Variants in TANC2 observed in about 807,000 individuals in gnomAD.
TANC2 encodes the protein tetratricopeptide repeat, ankyrin repeat and coiled-coil containing 2, also known as protein TANC2.
A neutral mutation model predicts 210.5 loss-of-function variants in TANC2; 26 were observed. The observed-to-expected ratio is 0.12, with a 90% CI of 0.09 to 0.17. The LOEUF is 0.17. Among genes scored for constraint, TANC2 ranks in the 10% least tolerant of loss-of-function variants. The probability of loss-of-function intolerance (pLI) is 1.00; values close to 1 mark genes in which losing one functional copy is unlikely to be tolerated. For missense variants in TANC2, 2,129 were observed against 2,608.9 expected, an observed-to-expected ratio of 0.82 and a Z score of 4.01; for synonymous variants, 931 against 967.1, an observed-to-expected ratio of 0.96 and a Z score of 0.69.
chr17:63,109,006 T>A (rs1477929844), intron 4 of TANC2, among the ~76,000 whole-genome samples: 1 of 151,410 alleles, frequency 6.6e-6, no homozygotes, highest in African/African-American at 2.4e-5. Context: ...AAAATAACTT[T>A]TGGGTTAAAA....
chr17:63,361,002 T>C (rs1234282647), intron 14 of TANC2, among the ~76,000 whole-genome samples: 1 of 152,250 alleles, frequency 6.6e-6, no homozygotes, highest in Non-Finnish European at 1.5e-5. Flanking sequence ...TGAATAATAC[T>C]CCGTTGTGTA....
chr17:63,211,812 A>G (rs980791786), intron 7 of TANC2, among the ~76,000 whole-genome samples: 1 of 152,228 alleles, frequency 6.6e-6, no homozygotes. Flanking sequence ...AAATGTATAA[A>G]AAGAAGGAAA....
At chr17:63,230,247 A>AT (rs899054390) in intron 7 of TANC2, among the ~76,000 whole-genome samples, 13 of 151,470 alleles carry the variant, frequency 8.6e-5, no homozygotes, top group Admixed American at 2.0e-4. Flanking sequence ...GGATTTGTTG[A>AT]TTTTTTTTGA....
intron 14 of TANC2, 28 bp downstream of exon 14, chr17:63,355,418 T>A (rs749465741): frequency 1.3e-6 from 2 of 1,504,932 alleles, no homozygotes; most frequent in Non-Finnish European, 1.8e-6. Context: ...GATAAACAAT[T>A]CTGAGTCTGT....
intron 5 of TANC2, chr17:63,153,108 A>G (rs2039712874): frequency 6.6e-6 from 1 of 152,196 alleles, no homozygotes; most frequent in African/African-American, 2.4e-5. Context: ...TTCTACCAAG[A>G]TAAGAATGGT....
intron 13 of TANC2, among the ~76,000 whole-genome samples, chr17:63,354,231 G>A (rs906537689): frequency 6.6e-5 from 10 of 152,154 alleles, no homozygotes; most frequent in African/African-American, 2.4e-4. Flanking sequence ...CTGTTACCAA[G>A]GTGCCAAGCT....
chr17:63,379,249 G>A (rs1598981975), intron 14 of TANC2, among the ~76,000 whole-genome samples: 1 of 152,152 alleles, frequency 6.6e-6, no homozygotes, highest in East Asian at 1.9e-4. Context: ...GAACTGCCTA[G>A]GAACCTTTCA....
At chr17:63,098,627 T>C (rs970579416) in intron 3 of TANC2, among the ~76,000 whole-genome samples, 2 of 151,328 alleles carry the variant, frequency 1.3e-5, no homozygotes, top group African/African-American at 4.8e-5. Context: ...ATTCTGCCAT[T>C]ACCAGAAGTG....
chr17:63,394,720 C>T (rs1184804143), intron 17 of TANC2, among the ~76,000 whole-genome samples: 1 of 152,222 alleles, frequency 6.6e-6, no homozygotes, highest in East Asian at 1.9e-4. Context: ...GTTCCTGATT[C>T]TAGCCAGGAA....
chr17:62,985,600 TG>T (rs2032528596), intron 1 of TANC2, among the ~76,000 whole-genome samples: 1 of 152,160 alleles, frequency 6.6e-6, no homozygotes. Flanking sequence ...TCAAATGACC[TG>T]TCATCAGAGT....
chr17:63,099,479 C>T (rs2037540988), intron 4 of TANC2, 122 bp downstream of exon 4: 1 of 576,336 alleles, frequency 1.7e-6, no homozygotes, highest in Non-Finnish European at 2.6e-6. Context: ...CCTAATGTCA[C>T]AGACTCTTGA....
At chr17:62,982,217 C>G (rs773832133) in intron 1 of TANC2, among the ~76,000 whole-genome samples, 1 of 152,128 alleles carries the variant, frequency 6.6e-6, no homozygotes, top group Non-Finnish European at 1.5e-5. Context: ...CATGAGTCAT[C>G]TTGTTAGCAT....
chr17:62,978,292 A>AATTAAT (rs1418839081), intron 1 of TANC2, among the ~76,000 whole-genome samples: 2 of 152,248 alleles, frequency 1.3e-5, no homozygotes, highest in African/African-American at 4.8e-5. Context: ...GTATAATATT[A>AATTAAT]ACACATTCTG....
chr17:63,173,724 T>C (rs1034852746), intron 5 of TANC2, among the ~76,000 whole-genome samples: 1 of 152,188 alleles, frequency 6.6e-6, no homozygotes, highest in African/African-American at 2.4e-5. Context: ...AATATTGGGG[T>C]GATCTTCACT....
chr17:63,369,204 A>T (rs1039301563), intron 14 of TANC2, among the ~76,000 whole-genome samples: 3 of 152,210 alleles, frequency 2.0e-5, no homozygotes, highest in African/African-American at 7.2e-5. Flanking sequence ...CCACTTTATC[A>T]GGTCATCCTA....
chr17:63,201,078 C>A (rs2041516722), intron 7 of TANC2, 121 bp downstream of exon 7: 3 of 841,882 alleles, frequency 3.6e-6, no homozygotes, highest in East Asian at 5.7e-5. Flanking sequence ...ATAAAACTTT[C>A]CTGGTCTTTT....
At chr17:63,220,808 A>G (rs529798552) in intron 7 of TANC2, among the ~76,000 whole-genome samples, 1 of 148,540 alleles carries the variant, frequency 6.7e-6, no homozygotes, top group South Asian at 2.1e-4. Flanking sequence ...ATATACGTGT[A>G]TATGTATATA....
chr17:63,235,690 C>T (rs2042601129), intron 7 of TANC2, among the ~76,000 whole-genome samples: 1 of 151,944 alleles, frequency 6.6e-6, no homozygotes, highest in Non-Finnish European at 1.5e-5. Context: ...GAGAGAGAAC[C>T]TCACTAAAAA....
chr17:63,064,722 A>G (rs556336150), intron 2 of TANC2, among the ~76,000 whole-genome samples: 73 of 152,242 alleles, frequency 4.8e-4, no homozygotes, highest in Middle Eastern at 3.4e-3. Flanking sequence ...ATAATCTATT[A>G]ATCTTTATAT....
Sources: gnomAD v4.1 joint callset for allele counts (sites outside exome capture counted in the v4.1 genomes callset) on GRCh38, gnomAD v4.1.1 for gene constraint, MANE v1.5 for transcripts, NCBI Gene and HGNC (gene_info 2026-07-23, HGNC 2026-07-21) for gene names.